CLCA4: variants seen among roughly 807,000 people sequenced by gnomAD.
CLCA4 encodes chloride channel accessory 4, also known as calcium-activated chloride channel regulator 4.
Under a neutral mutation model 78.9 loss-of-function variants are expected in CLCA4, and 69 were observed. The ratio of observed to expected loss-of-function variants is 0.87; its 90% CI spans 0.72 to 1.07. CLCA4 has a LOEUF of 1.07. Ranked by LOEUF, CLCA4 falls within the 50% of genes least tolerant of loss-of-function variation. CLCA4 has a pLI of 0.00. For synonymous variants in CLCA4, 362 were observed against 375.8 expected (o/e 0.96, Z 0.42); for missense variants, 1,133 against 1,095.8 (o/e 1.03, Z -0.48).
At chr1:86,570,481 A>C (rs141443484) in intron 7 of CLCA4, among the ~76,000 whole-genome samples, 1 of 152,188 alleles carries the variant, frequency 6.6e-6, no homozygotes, top group East Asian at 1.9e-4. Flanking sequence ...TATATTCTTT[A>C]AGCATCACCA....
At chr1:86,563,586 A>T (rs1025516202) in intron 3 of CLCA4, 75 bp from the exon 4 acceptor site, 10 of 674,602 alleles carry the variant, frequency 1.5e-5, no homozygotes. Flanking sequence ...TATAATTGAA[A>T]GAGAAGCTTC....
At position 86,565,810 on chromosome 1, in the gene CLCA4, A is replaced by G; in HGVS notation, c.744A>G (p.Glu248=). The change falls in exon 6 of 14, where the codon GAA becomes GAG. Residue 248 remains glutamate (E), a synonymous_variant. Transcript: ENST00000370563. ...MFMQSIDSVV[E]FCNEKTHNQE... ...TTTTATTAACCTTTTAGGTTGTTGA[A>G]TTTTGTAACGAAAAAACCCATAATC... The G allele has an allele frequency of 6.6e-7, 1 of 1,519,768 alleles. No homozygotes were observed. The highest frequency in any genetic ancestry group is 8.8e-7 in the Non-Finnish European group (1 of 1,133,532). 94.1% of individuals were successfully genotyped at this position (1,519,768 alleles called of 1,614,324 possible).
chr1:86,574,871 T>G lies in CLCA4; in HGVS notation c.1683+116T>G, dbSNP rs1650462400. On this transcript the variant is annotated intron_variant, in intron 10 of 13. Transcript: ENST00000370563. ...TATCAACTTTAAAATTAAGATAAAATAGTATGTACTTTCCATGCCTGTGTC... is the reference window on the plus strand; with the variant it reads ...TATCAACTTTAAAATTAAGATAAAAGAGTATGTACTTTCCATGCCTGTGTC... 5.4e-6 allele frequency: 4 copies of G among 739,540 alleles called. No individual in the cohort carries two copies. In the South Asian group the frequency reaches 5.4e-5, roughly 10 times the overall value. The allele number at this position is 739,540 out of a possible 1,614,324, so 45.8% of individuals were successfully genotyped here.
intron 1 of CLCA4, among the ~76,000 whole-genome samples, chr1:86,549,163 T>TG (rs1649586214): frequency 6.6e-6 from 1 of 151,458 alleles, no homozygotes; most frequent in South Asian, 2.1e-4. Context: ...GGGGCTGGAT[T>TG]GGGGGAGAAT....
chr1:86,560,167 C>CT (rs1208688577), intron 2 of CLCA4, 44 bp from the exon 3 acceptor site: 5 of 1,574,280 alleles, frequency 3.2e-6, no homozygotes, highest in Non-Finnish European at 4.3e-6. Context: ...TGAATATTAT[C>CT]TTTTTTATTT....
At chr1:86,579,322 G>T (rs1349176800) in intron 12 of CLCA4, 32 bp from the exon 13 acceptor site, 6 of 1,489,726 alleles carry the variant, frequency 4.0e-6, no homozygotes, top group Non-Finnish European at 5.6e-6. Flanking sequence ...CAGTAGTTTT[G>T]CCCATTATAA....
At position 86,565,950 on chromosome 1, in the gene CLCA4, C is replaced by T. The variant is rs1260215673; in HGVS notation, c.884C>T (p.Pro295Leu). ...CCCATGGTGACACCACCTCCTCCAC[C>T]TGTCTTCTCATTGCTGAAGATCAGT... ...TIPMVTPPPP[P>L]VFSLLKISQR... Residue 295 changes from proline to leucine, a missense_variant, in exon 6 of 14, where the codon CCT becomes CTT. By Grantham distance (98) the Pro-to-Leu change is moderately conservative. Transcript: ENST00000370563. The T allele has an allele frequency of 1.9e-6, 3 of 1,613,224 alleles. No homozygotes were observed. The highest frequency in any genetic ancestry group is 2.5e-6 in the Non-Finnish European group (3 of 1,179,446).
intron 1 of CLCA4, among the ~76,000 whole-genome samples, chr1:86,557,302 G>A (rs953727618): frequency 2.0e-5 from 3 of 151,936 alleles, no homozygotes; most frequent in Admixed American, 6.6e-5. Context: ...TGTAATGTTA[G>A]GTTGTTAATT....
chr1:86,575,663 T>C, intron 11 of CLCA4, 64 bp downstream of exon 11: 5 of 1,422,942 alleles, frequency 3.5e-6, no homozygotes, highest in Non-Finnish European at 4.9e-6. Flanking sequence ...TGAGTCCCTG[T>C]GGCATTGTGG....
At chr1:86,553,752 T>C (rs1028717932) in intron 1 of CLCA4, among the ~76,000 whole-genome samples, 3 of 152,134 alleles carry the variant, frequency 2.0e-5, no homozygotes, top group Non-Finnish European at 2.9e-5. Context: ...CTGGCCAACA[T>C]TGCGAAACCC....
rs756011754 is a variant in CLCA4, at chr1:86,563,715, A to G, written c.503A>G (p.Tyr168Cys). The G allele has an allele frequency of 1.2e-6, 2 of 1,610,848 alleles. No individual in the cohort carries two copies. The highest frequency in any genetic ancestry group is 1.7e-6 in the Non-Finnish European group (2 of 1,178,200). ...CTCCGGTGGGGAGTGTTTGATGAGT[A>G]CAATGAAGATCAGCCTTTCTACCGT... Reference protein sequence around the residue: ...AHLRWGVFDEYNEDQPFYRAK... With the variant: ...AHLRWGVFDECNEDQPFYRAK... The change falls in exon 4 of 14, where the codon TAC (tyrosine) becomes TGC (cysteine). Residue 168 changes from tyrosine to cysteine, a missense_variant. By Grantham distance (194) the Tyr-to-Cys change is radical. Transcript: ENST00000370563.
intron 7 of CLCA4, among the ~76,000 whole-genome samples, chr1:86,570,603 G>A (rs1349569618): frequency 6.6e-6 from 1 of 151,930 alleles, no homozygotes; most frequent in Admixed American, 6.6e-5. Flanking sequence ...GCATACTGAG[G>A]GTTTACTAAT....
chr1:86,572,838 A>G, intron 9 of CLCA4, 118 bp downstream of exon 9: 1 of 703,350 alleles, frequency 1.4e-6, no homozygotes, highest in Non-Finnish European at 2.6e-6. Flanking sequence ...ATTAAAATCT[A>G]AACTTTAATC....
chr1:86,550,618 C>T (rs964804855), intron 1 of CLCA4, among the ~76,000 whole-genome samples: 7 of 151,578 alleles, frequency 4.6e-5, no homozygotes, highest in Non-Finnish European at 8.8e-5. Flanking sequence ...AATGATTTTT[C>T]TAAGATCATA....
chr1:86,570,035 C>T (rs1240015841), intron 7 of CLCA4, among the ~76,000 whole-genome samples: 3 of 151,878 alleles, frequency 2.0e-5, no homozygotes, highest in African/African-American at 4.8e-5. Context: ...CCTCTCTTTC[C>T]GTTCGGTTTC....
chr1:86,575,698 G>A, intron 11 of CLCA4, 99 bp downstream of exon 11: 2 of 1,096,172 alleles, frequency 1.8e-6, no homozygotes, highest in Non-Finnish European at 1.3e-6. Context: ...CAACAGAATT[G>A]ATGCAGATTA....
At chr1:86,575,849 G>A (rs982173090) in intron 11 of CLCA4, among the ~76,000 whole-genome samples, 5 of 152,006 alleles carry the variant, frequency 3.3e-5, no homozygotes, top group Admixed American at 6.6e-5. Flanking sequence ...CTAGCACTTC[G>A]GGAGGCCAAG....
intron 13 of CLCA4, 78 bp from the exon 14 acceptor site, chr1:86,579,864 A>C: frequency 1.0e-6 from 1 of 1,001,588 alleles, no homozygotes; most frequent in Non-Finnish European, 1.5e-6. Flanking sequence ...GCATAACTAG[A>C]CATTTTTGAG....
chr1:86,548,957 T>C (rs1312184346), intron 1 of CLCA4, among the ~76,000 whole-genome samples: 3 of 152,188 alleles, frequency 2.0e-5, no homozygotes. Context: ...TGGACTCATT[T>C]GTTCTTTAAA....
Sources: gnomAD v4.1 joint callset for allele counts (sites outside exome capture counted in the v4.1 genomes callset) on GRCh38, gnomAD v4.1.1 for gene constraint, MANE v1.5 for transcripts, NCBI Gene and HGNC (gene_info 2026-07-23, HGNC 2026-07-21) for gene names.